The following STK32B variants were observed in gnomAD, a reference collection of about 807,000 sequenced individuals.
The protein encoded by STK32B is serine/threonine-protein kinase 32B.
A neutral mutation model predicts 52.6 loss-of-function variants in STK32B; 43 were observed. That is an observed-to-expected ratio of 0.82 (90% CI 0.64 to 1.05). STK32B has a LOEUF of 1.05. Among genes scored for constraint, STK32B ranks in the 50% least tolerant of loss-of-function variants. The probability of loss-of-function intolerance (pLI) is 0.00; values close to 1 mark genes in which losing one functional copy is unlikely to be tolerated. For synonymous variants in STK32B, 238 were observed against 204.3 expected (o/e 1.17, Z -1.41); for missense variants, 621 against 534.6 (o/e 1.16, Z -1.59).
chr4:5,391,846 AT>A (rs1448789554), intron 4 of STK32B, among the ~76,000 whole-genome samples: 8 of 152,182 alleles, frequency 5.3e-5, no homozygotes, highest in African/African-American at 1.9e-4. Flanking sequence ...TGCATGTATG[AT>A]GGTAGCACTT....
upstream of STK32B, among the ~76,000 whole-genome samples, chr4:5,047,287 A>G (rs960323013): frequency 6.6e-6 from 1 of 150,974 alleles, no homozygotes; most frequent in African/African-American, 2.4e-5. Flanking sequence ...GAGCTGAACA[A>G]TGAGAACACA....
intron 3 of STK32B, among the ~76,000 whole-genome samples, chr4:5,198,468 T>C (rs531609522): frequency 1.3e-5 from 2 of 152,322 alleles, no homozygotes; most frequent in East Asian, 3.9e-4. Context: ...TTAATGGTCA[T>C]TTGTTCAACC....
At chr4:5,031,151 C>T in the STK32B span, among the ~76,000 whole-genome samples, 11 of 152,216 alleles carry the variant, frequency 7.2e-5, no homozygotes, top group African/African-American at 2.6e-4. Context: ...GAGGCCCACC[C>T]ACATTATGGA....
At chr4:5,259,347 T>C (rs1726551195) in intron 3 of STK32B, among the ~76,000 whole-genome samples, 1 of 152,238 alleles carries the variant, frequency 6.6e-6, no homozygotes, top group Non-Finnish European at 1.5e-5. Flanking sequence ...GCTCAGAAAG[T>C]TCATGTCACT....
chr4:5,279,989 C>A (rs1243282997), intron 3 of STK32B, among the ~76,000 whole-genome samples: 1 of 152,166 alleles, frequency 6.6e-6, no homozygotes. Flanking sequence ...GAAGGGGCTG[C>A]TGTGAAGGTC....
At chr4:5,490,257 C>T (rs926620626) in intron 11 of STK32B, among the ~76,000 whole-genome samples, 1 of 152,012 alleles carries the variant, frequency 6.6e-6, no homozygotes, top group African/African-American at 2.4e-5. Context: ...CAGGTGTGTG[C>T]CACCATGCCC....
At chr4:5,376,190 G>A (rs962268951) in intron 4 of STK32B, among the ~76,000 whole-genome samples, 11 of 152,102 alleles carry the variant, frequency 7.2e-5, no homozygotes, top group African/African-American at 1.2e-4. Context: ...CCACTCCGCC[G>A]GACCAGGTTC....
chr4:5,480,941 T>C (rs966949624), intron 11 of STK32B, among the ~76,000 whole-genome samples: 6 of 152,162 alleles, frequency 3.9e-5, no homozygotes, highest in African/African-American at 7.2e-5. Context: ...CATAGTATTC[T>C]ATGGTGTATA....
chr4:5,252,104 T>C (rs754458116), intron 3 of STK32B, among the ~76,000 whole-genome samples: 1 of 152,194 alleles, frequency 6.6e-6, no homozygotes, highest in African/African-American at 2.4e-5. Flanking sequence ...CCCCATCAGA[T>C]GTCTCAGTTG....
chr4:5,091,009 C>T (rs545689114), intron 1 of STK32B, among the ~76,000 whole-genome samples: 1 of 152,156 alleles, frequency 6.6e-6, no homozygotes, highest in African/African-American at 2.4e-5. Flanking sequence ...AATTCAGGAC[C>T]ATATAGTTTC....
rs1035970480 is a variant in STK32B at position 5,499,261 on chromosome 4, G to C, written c.*178G>C. ...TCCCATCTCCATGACTGATTCACGT[G>C]TGACCTCAGACAAGTCACGCCCTCT... On this transcript the variant is annotated 3_prime_UTR_variant, in exon 12 of 12. Transcript: ENST00000282908. 4.8e-6 allele frequency: 4 copies of C among 825,340 alleles called. No individual in the cohort carries two copies. The highest frequency in any genetic ancestry group is 3.2e-5 in the East Asian group (1 of 31,566). 51.1% of individuals were successfully genotyped at this position (825,340 alleles called of 1,614,324 possible).
At chr4:5,317,224 TTA>T (rs1240979170) in intron 3 of STK32B, among the ~76,000 whole-genome samples, 1 of 38,676 alleles carries the variant, frequency 2.6e-5, no homozygotes, top group South Asian at 1.1e-3. Context: ...CATATATATA[TTA>T]TATATAACAT....
chr4:5,391,777 T>TA (rs1736611701), intron 4 of STK32B, among the ~76,000 whole-genome samples: 2 of 152,218 alleles, frequency 1.3e-5, no homozygotes, highest in African/African-American at 4.8e-5. Context: ...TGCTTCCATC[T>TA]AAAATTGTGT....
intron 2 of STK32B, among the ~76,000 whole-genome samples, chr4:5,151,442 A>G (rs1273475957): frequency 6.6e-6 from 1 of 152,202 alleles, no homozygotes; most frequent in African/African-American, 2.4e-5. Context: ...AGAGTTTTCC[A>G]GAAAGACATT....
At chr4:5,181,418 A>T (rs1395240483) in intron 3 of STK32B, among the ~76,000 whole-genome samples, 2 of 151,828 alleles carry the variant, frequency 1.3e-5, no homozygotes. Context: ...TGGCACCCTG[A>T]GTTCAGATAT....
At chr4:5,490,463 G>C (rs535240151) in intron 11 of STK32B, among the ~76,000 whole-genome samples, 12 of 152,072 alleles carry the variant, frequency 7.9e-5, no homozygotes, top group African/African-American at 1.2e-4. Context: ...AGTTTGACTA[G>C]GTTGCCAATA....
Position 5,499,156 on chromosome 4 carries a change from C to A in STK32B, c.*73C>A. 2 of 1,497,348 alleles carry A rather than the reference C, an allele frequency of 1.3e-6. No individual in the cohort carries two copies. Among genetic ancestry groups the A allele is most frequent in the Non-Finnish European group, 1.8e-6 (2 of 1,116,740 alleles). 92.8% of individuals were successfully genotyped at this position (1,497,348 alleles called of 1,614,324 possible). A position where few individuals can be genotyped will look rare whatever the true frequency, so the allele number is the denominator to read the frequency against. ...CCCACCCAGAGCCCCTCTTTGTGCC[C>A]TGATGGTCCCTGTCTCACCCCTGAA... On this transcript the variant is annotated 3_prime_UTR_variant, in exon 12 of 12. Transcript: ENST00000282908.
At chr4:5,122,926 C>T (rs1715149678) in intron 1 of STK32B, among the ~76,000 whole-genome samples, 2 of 152,144 alleles carry the variant, frequency 1.3e-5, no homozygotes, top group African/African-American at 4.8e-5. Flanking sequence ...GCTCTTCCAC[C>T]CTCAGCCCCT....
chr4:5,124,003 C>A (rs1230247504), intron 1 of STK32B, among the ~76,000 whole-genome samples: 3 of 152,164 alleles, frequency 2.0e-5, no homozygotes, highest in African/African-American at 7.2e-5. Flanking sequence ...CTTTTCACAA[C>A]ACACCTGTGA....
Sources: gnomAD v4.1 joint callset for allele counts (sites outside exome capture counted in the v4.1 genomes callset) on GRCh38, gnomAD v4.1.1 for gene constraint, MANE v1.5 for transcripts, NCBI Gene and HGNC (gene_info 2026-07-23, HGNC 2026-07-21) for gene names.